YIF1A: variants seen among roughly 807,000 people sequenced by gnomAD.
The protein encoded by YIF1A is Yip1 interacting factor homolog A, membrane trafficking protein, also known as protein YIF1A.
In YIF1A, 28 loss-of-function variants were observed where a neutral mutation model predicts 32.6. The ratio of observed to expected loss-of-function variants is 0.86; its 90% CI spans 0.64 to 1.18. The LOEUF is 1.18. YIF1A is among the 50% of genes most tolerant of loss of function. The pLI, the probability that YIF1A is intolerant of heterozygous loss-of-function variation, is 0.00. For synonymous variants in YIF1A, 175 were observed against 162.2 expected (o/e 1.08, Z -0.60); for missense variants, 373 against 390.8 (o/e 0.95, Z 0.38).
At chr11:66,287,548 C>T (rs763067317) in intron 4 of YIF1A, 50 bp downstream of exon 4, 9 of 1,504,768 alleles carry the variant, frequency 6.0e-6, no homozygotes, top group East Asian at 2.4e-5. Flanking sequence ...AGGCACAAGT[C>T]CCCCCCGACC....
intron 4 of YIF1A, chr11:66,287,394 G>A: frequency 1.6e-6 from 1 of 617,880 alleles, no homozygotes; most frequent in South Asian, 1.9e-5. Flanking sequence ...AGGGTGTCCT[G>A]GGGACACTGA....
chr11:66,287,362 C>A, intron 4 of YIF1A: 1 of 560,464 alleles, frequency 1.8e-6, no homozygotes, highest in Admixed American at 3.0e-5. Context: ...CAGTCCAAAT[C>A]AAGAAACAGG....
rs1402946685 is a variant in YIF1A at position 66,288,238 on chromosome 11, G to A, written c.86C>T (p.Thr29Ile). 6.2e-6 allele frequency: 10 copies of A among 1,614,002 alleles called. No homozygotes were observed. The South Asian group carries it at 1.1e-4, about 18-fold the overall frequency. The change falls in exon 2 of 8, where the codon ACA (threonine) becomes ATA (isoleucine). Residue 29 changes from threonine (T) to isoleucine (I), a missense_variant. Thr to Ile is a moderately conservative substitution (Grantham distance 89). Coordinates refer to ENST00000376901, the MANE Select transcript of YIF1A (RefSeq NM_020470.3). ...GGGCTGGCTGGAATAACCACCGCTT[G>A]TGTCATCGAAGAGGGGAGGGGGATC... ...APDPPPLFDD[T>I]SGGYSSQPGG...
intron 1 of YIF1A, 36 bp from the exon 2 acceptor site, chr11:66,288,328 A>T (rs765205507): frequency 6.2e-7 from 1 of 1,612,494 alleles, no homozygotes; most frequent in South Asian, 1.1e-5. Context: ...GATGACAGAA[A>T]TACCAAGCAT....
Position 66,287,753 on chromosome 11 carries a change from G to A in YIF1A, c.348+59C>T, listed in dbSNP as rs1435375290. 5 of 1,609,504 alleles carry A rather than the reference G, an allele frequency of 3.1e-6. No homozygotes were observed. In the South Asian group the frequency reaches 4.4e-5, roughly 14 times the overall value. ...AGAGGAGAGAAGGGGGTTGAGGTCT[G>A]GGGGCCAGACTCGGGCAGAATGAGG... On this transcript the variant is annotated intron_variant, in intron 3 of 7. Transcript: ENST00000376901.
intron 1 of YIF1A, 102 bp from the exon 2 acceptor site, chr11:66,288,394 C>T: frequency 7.1e-7 from 1 of 1,416,060 alleles, no homozygotes; most frequent in East Asian, 2.3e-5. Flanking sequence ...GTCCTGGAGG[C>T]ACCGATCAGT....
At position 66,287,624 on chromosome 11, in the gene YIF1A, A is replaced by G. The variant is rs201573906; in HGVS notation, c.401T>C (p.Leu134Pro). ...RDAPLPPRQD[L>P]NAPDLYIPTM... ...GGGGATATAGAGGTCAGGGGCGTTG[A>G]GGTCTTGCCGGGGGGGCAGAGGAGC... Residue 134 changes from leucine to proline, a missense_variant, in exon 4 of 8, where the codon CTC (leucine) becomes CCC (proline). By Grantham distance (98) the Leu-to-Pro change is moderately conservative (BLOSUM62 -3). Coordinates refer to ENST00000376901, the MANE Select transcript of YIF1A (RefSeq NM_020470.3). The G allele has an allele frequency of 3.7e-4, 574 of 1,544,368 alleles. No individual in the cohort carries two copies. Among genetic ancestry groups the G allele is most frequent in the Admixed American group, 1.3e-3 (75 of 57,726 alleles).
rs548169858 is a variant in YIF1A, at chr11:66,285,386, G to C, written c.636C>G (p.Tyr212Ter). ...FHLLAYSGYK[Y>*]VGMILSVLTG... ...CCTGGCCCACAAGTGCTCACCCCAC[G>C]TATTTGTAGCCACTGTAGGCCAGCA... Residue 212 changes from tyrosine (Y) to a stop codon, truncating the protein, a stop_gained, in exon 6 of 8, where the codon TAC becomes TAG. Transcript: ENST00000376901. LOFTEE classifies it high-confidence loss of function. 3.1e-6 allele frequency: 5 copies of C among 1,611,808 alleles called. No individual in the cohort carries two copies. Among genetic ancestry groups the C allele is most frequent in the Admixed American group, 1.7e-5 (1 of 60,006 alleles).
Position 66,284,590 on chromosome 11 carries a change from C to T in YIF1A, c.*47G>A, listed in dbSNP as rs983619070. On this transcript the variant is annotated 3_prime_UTR_variant, in exon 8 of 8. Transcript: ENST00000376901. ...AAGGGTCAGACAAAGTCAAGGAAAT[C>T]AAATCTTCAATGAATGAAAAACTCA... The T allele has an allele frequency of 1.9e-6, 3 of 1,601,598 alleles. No individual in the cohort carries two copies. Among genetic ancestry groups the T allele is most frequent in the South Asian group, 1.1e-5 (1 of 90,288 alleles).
At position 66,284,976 on chromosome 11, in the gene YIF1A, G is replaced by C; in HGVS notation, c.642-10C>G. ...CACACTGAGGATCATTCTGGGGGTG[G>C]GAGGAGGAAAGGGTTGGTGACCCCC... is the stretch of plus-strand genomic sequence containing the variant. On this transcript the variant is annotated splice_polypyrimidine_tract_variant and intron_variant, in intron 6 of 7. Coordinates refer to ENST00000376901, the MANE Select transcript of YIF1A (RefSeq NM_020470.3). 1 of 1,612,832 alleles carries C rather than the reference G, an allele frequency of 6.2e-7. No homozygotes were observed. Among genetic ancestry groups the C allele is most frequent in the South Asian group, 1.1e-5 (1 of 91,078 alleles).
chr11:66,286,183 T>C (rs1857354925), intron 4 of YIF1A, among the ~76,000 whole-genome samples: 1 of 152,204 alleles, frequency 6.6e-6, no homozygotes, highest in African/African-American at 2.4e-5. Flanking sequence ...CAATTCTAAG[T>C]CTCAGCACTG....
At chr11:66,287,541 C>A (rs1453583268) in intron 4 of YIF1A, 57 bp downstream of exon 4, 2 of 1,537,776 alleles carry the variant, frequency 1.3e-6, no homozygotes, top group East Asian at 2.4e-5. Flanking sequence ...TCCCTCAAGG[C>A]ACAAGTCCCC....
intron 4 of YIF1A, 89 bp from the exon 5 acceptor site, chr11:66,285,847 C>G: frequency 2.1e-6 from 3 of 1,435,128 alleles, no homozygotes; most frequent in Non-Finnish European, 1.9e-6. Flanking sequence ...ATGTCCCATA[C>G]TTCCTTCTCT....
chr11:66,285,571 T>A, intron 5 of YIF1A, 35 bp from the exon 6 acceptor site: 1 of 1,612,240 alleles, frequency 6.2e-7, no homozygotes, highest in African/African-American at 1.3e-5. Flanking sequence ...GAGCCAGGCA[T>A]CCTGAGGCAG....
At chr11:66,287,562 C>A (rs1322579886) in intron 4 of YIF1A, 36 bp downstream of exon 4, 8 of 1,578,538 alleles carry the variant, frequency 5.1e-6, no homozygotes, top group African/African-American at 1.3e-5. Context: ...CCCGACCCCA[C>A]CCCACCACGT....
intron 4 of YIF1A, among the ~76,000 whole-genome samples, 198 bp from the exon 5 acceptor site, chr11:66,285,956 C>G: frequency 6.6e-6 from 1 of 152,258 alleles, no homozygotes; most frequent in East Asian, 1.9e-4. Context: ...TAAATGCCAC[C>G]TGACCCTTCT....
Position 66,287,925 on chromosome 11 carries a change from G to C in YIF1A, c.244-9C>G. ...GACACAAAACGGTGCAGCTGGGAGG[G>C]GAGAGAGGAAGCTGTGGGCAAGCCG... On this transcript the variant is annotated splice_polypyrimidine_tract_variant and intron_variant, in intron 2 of 7. Coordinates refer to ENST00000376901, the MANE Select transcript of YIF1A (RefSeq NM_020470.3). 1 of 1,612,518 alleles carries C rather than the reference G, an allele frequency of 6.2e-7. No individual in the cohort carries two copies. Among genetic ancestry groups the C allele is most frequent in the Non-Finnish European group, 8.5e-7 (1 of 1,179,796 alleles).
Position 66,289,049 on chromosome 11 carries a change from G to T in YIF1A, c.-64C>A. 1 of 1,533,302 alleles carries T rather than the reference G, an allele frequency of 6.5e-7. No homozygotes were observed. 95.0% of individuals were successfully genotyped at this position (1,533,302 alleles called of 1,614,324 possible). A position where few individuals can be genotyped will look rare whatever the true frequency, so the allele number is the denominator to read the frequency against. On this transcript the variant is annotated 5_prime_UTR_variant, in exon 1 of 8. Coordinates refer to ENST00000376901, the MANE Select transcript of YIF1A (RefSeq NM_020470.3). The stretch of plus-strand genomic sequence containing the variant: ...GCCTCGTGGGTACGAATACTAATGA[G>T]GCAGCTGCTCCGCGCCCAGGGTACC...
At chr11:66,285,335 C>T (rs1449177104) in intron 6 of YIF1A, 46 bp downstream of exon 6, 3 of 1,592,460 alleles carry the variant, frequency 1.9e-6, no homozygotes, top group Non-Finnish European at 2.6e-6. Flanking sequence ...TACAGCTATG[C>T]AGGCCCAGAT....
Sources: gnomAD v4.1 joint callset for allele counts (sites outside exome capture counted in the v4.1 genomes callset) on GRCh38, gnomAD v4.1.1 for gene constraint, MANE v1.5 for transcripts, NCBI Gene and HGNC (gene_info 2026-07-23, HGNC 2026-07-21) for gene names.